The following GRM8 variants were observed in gnomAD, a reference collection of about 807,000 sequenced individuals.
GRM8 encodes the protein glutamate metabotropic receptor 8, also known as metabotropic glutamate receptor 8.
Under a neutral mutation model 87.2 loss-of-function variants are expected in GRM8, and 47 were observed. That is an observed-to-expected ratio of 0.54 (90% CI 0.43 to 0.69). GRM8 has a LOEUF of 0.69. Among genes scored for constraint, GRM8 ranks in the 30% least tolerant of loss-of-function variants. GRM8 has a pLI of 0.00. For synonymous variants in GRM8, 396 were observed against 404.5 expected, an observed-to-expected ratio of 0.98 and a Z score of 0.25; for missense variants, 1,019 against 1,139.2, an observed-to-expected ratio of 0.89 and a Z score of 1.52.
chr7:126,875,354 A>C (rs1248860320), intron 6 of GRM8, among the ~76,000 whole-genome samples: 3 of 152,058 alleles, frequency 2.0e-5, no homozygotes, highest in Non-Finnish European at 2.9e-5. Context: ...AGTAAGCAAT[A>C]CATACTTCCT....
rs73224944 is a variant in GRM8 at position 126,537,311 on chromosome 7, G to A, written c.1495-3424C>T. Among the ~76,000 whole-genome samples the A allele has an allele frequency of 8.6e-3, 1,316 of 152,194 alleles. 16 individuals are homozygous for A. Among genetic ancestry groups the A allele is most frequent in the Admixed American group, 0.021 (319 of 15,286 alleles). On this transcript the variant is annotated intron_variant, in intron 8 of 10. Transcript: ENST00000339582. Reference sequence around the variant, plus strand: ...TATGCATGACTTAATTTTCATCAAGGAATCTTTGTTAAACTATGCTGTGAA... The same window carrying A: ...TATGCATGACTTAATTTTCATCAAGAAATCTTTGTTAAACTATGCTGTGAA...
chr7:127,199,649 T>C (rs1366695951), intron 2 of GRM8, among the ~76,000 whole-genome samples: 3 of 152,236 alleles, frequency 2.0e-5, no homozygotes, highest in East Asian at 1.9e-4. Flanking sequence ...TTCTTTTCAT[T>C]TCACCTTTCA....
At chr7:126,717,175 T>G (rs1811850622) in intron 7 of GRM8, among the ~76,000 whole-genome samples, 1 of 152,306 alleles carries the variant, frequency 6.6e-6, no homozygotes, top group South Asian at 2.1e-4. Context: ...AAATGTATTA[T>G]GGTATAGTCA....
chr7:126,483,527 G>A (rs1584774736), intron 9 of GRM8, among the ~76,000 whole-genome samples: 2 of 107,756 alleles, frequency 1.9e-5, no homozygotes, highest in South Asian at 6.4e-4. Flanking sequence ...ATGATCTATT[G>A]AAGGGCTGAC....
chr7:126,701,449 G>C (rs889318521), intron 7 of GRM8, among the ~76,000 whole-genome samples: 2 of 152,122 alleles, frequency 1.3e-5, no homozygotes, highest in African/African-American at 4.8e-5. Flanking sequence ...ATCTAACCAT[G>C]CGCCATACTC....
At chr7:126,751,735 C>T (rs922488089) in intron 7 of GRM8, among the ~76,000 whole-genome samples, 3 of 152,146 alleles carry the variant, frequency 2.0e-5, no homozygotes, top group Non-Finnish European at 2.9e-5. Context: ...GGGCTCCTTG[C>T]CCCTATTTCA....
At chr7:126,964,749 G>A (rs1182915196) in intron 3 of GRM8, among the ~76,000 whole-genome samples, 3 of 152,130 alleles carry the variant, frequency 2.0e-5, no homozygotes, top group Non-Finnish European at 1.5e-5. Flanking sequence ...AAGACAGTGT[G>A]GCAATTCCTC....
At chr7:126,869,930 GATTAAAAAA>G (rs1798938195) in intron 6 of GRM8, 1 of 60,430 alleles carries the variant, frequency 1.7e-5, no homozygotes, top group African/African-American at 8.2e-5. Flanking sequence ...TTTCCTCATA[GATTAAAAAA>G]AAAAAAAAAA....
At chr7:127,181,038 A>T (rs2116407512) in intron 2 of GRM8, among the ~76,000 whole-genome samples, 1 of 152,218 alleles carries the variant, frequency 6.6e-6, no homozygotes, top group South Asian at 2.1e-4. Flanking sequence ...CAAATCAGTA[A>T]AGAGAAAGTC....
intron 7 of GRM8, among the ~76,000 whole-genome samples, chr7:126,730,914 C>A (rs1025787866): frequency 6.6e-6 from 1 of 151,986 alleles, no homozygotes; most frequent in African/African-American, 2.4e-5. Context: ...ATTCTCTTTT[C>A]GATAAATCTG....
At position 126,615,178 on chromosome 7, in the gene GRM8, G is replaced by A. The variant is rs1025713319; in HGVS notation, c.1358-5680C>T. 1.6e-4 allele frequency among the ~76,000 whole-genome samples: 24 copies of A among 152,220 alleles called. 1 individual carries two copies. The highest frequency in any genetic ancestry group is 4.6e-4 in the Admixed American group (7 of 15,294). ...CAATTAGACTAATAGCAGATCTCTC[G>A]GCAGAAACTCTACAAGCCAGAAGAG... On this transcript the variant is annotated intron_variant, in intron 7 of 10. Transcript: ENST00000339582.
At chr7:126,968,247 C>T (rs1810070607) in intron 3 of GRM8, among the ~76,000 whole-genome samples, 1 of 152,124 alleles carries the variant, frequency 6.6e-6, no homozygotes, top group Admixed American at 6.6e-5. Flanking sequence ...AATTGTGAAG[C>T]TATTAAATCA....
intron 6 of GRM8, among the ~76,000 whole-genome samples, chr7:126,890,871 C>T (rs575344961): frequency 6.6e-6 from 1 of 152,112 alleles, no homozygotes; most frequent in East Asian, 1.9e-4. Context: ...CTCAGGCCCT[C>T]TGCAATTTCC....
intron 6 of GRM8, among the ~76,000 whole-genome samples, chr7:126,798,473 A>C (rs1337341137): frequency 6.6e-6 from 1 of 152,114 alleles, no homozygotes; most frequent in Non-Finnish European, 1.5e-5. Context: ...ACATGTCCTT[A>C]AGGCCACACC....
chr7:126,896,502 C>T (rs1801553080), intron 6 of GRM8, among the ~76,000 whole-genome samples: 1 of 152,086 alleles, frequency 6.6e-6, no homozygotes, highest in Non-Finnish European at 1.5e-5. Context: ...CTACTTCCTT[C>T]ATATGGTCTC....
chr7:126,857,525 GAA>G (rs1300452969), intron 6 of GRM8, among the ~76,000 whole-genome samples: 1 of 152,032 alleles, frequency 6.6e-6, no homozygotes, highest in African/African-American at 2.4e-5. Context: ...AAAAAGAAAA[GAA>G]ATCCTCCCAA....
intron 8 of GRM8, among the ~76,000 whole-genome samples, chr7:126,545,369 T>C (rs1170676232): frequency 1.3e-5 from 2 of 152,256 alleles, no homozygotes; most frequent in East Asian, 1.9e-4. Flanking sequence ...TTTTAACTTA[T>C]GATAATTCTA....
chr7:126,534,017 G>A lies in GRM8; in HGVS notation c.1495-130C>T, dbSNP rs529804906. On this transcript the variant is annotated intron_variant, in intron 8 of 10. Coordinates refer to ENST00000339582, the MANE Select transcript of GRM8 (RefSeq NM_000845.3). Reference sequence around the variant, plus strand: ...TACAGTTTACCATAATAAGAGTCTCGTTTTTTTTCCCCTGATATTGACTTT... The same window carrying A: ...TACAGTTTACCATAATAAGAGTCTCATTTTTTTTCCCCTGATATTGACTTT... 7.7e-5 allele frequency: 53 copies of A among 685,180 alleles called. No individual in the cohort carries two copies. The Middle Eastern group carries it at 1.1e-3, about 14-fold the overall frequency. 42.4% of individuals were successfully genotyped at this position (685,180 alleles called of 1,614,324 possible).
At chr7:127,142,972 A>G (rs918339749) in intron 2 of GRM8, among the ~76,000 whole-genome samples, 4 of 152,144 alleles carry the variant, frequency 2.6e-5, no homozygotes, top group Admixed American at 6.5e-5. Context: ...TGCCCCATGC[A>G]TCTTTCCACC....
Sources: allele counts gnomAD v4.1 joint callset (sites outside exome capture counted in the v4.1 genomes callset), GRCh38; gene constraint gnomAD v4.1.1; transcripts MANE v1.5; gene names NCBI Gene and HGNC (gene_info 2026-07-23, HGNC 2026-07-21).